CCDC88A: variants seen among roughly 807,000 people sequenced by gnomAD.
CCDC88A encodes coiled-coil and HOOK domain protein 88A.
A neutral mutation model predicts 234.3 loss-of-function variants in CCDC88A; 54 were observed. The observed-to-expected ratio is 0.23, with a 90% CI of 0.19 to 0.29. The LOEUF is 0.29. Ranked by LOEUF, CCDC88A falls within the 10% of genes least tolerant of loss-of-function variation. The probability of loss-of-function intolerance (pLI) is 1.00; values close to 1 mark genes in which losing one functional copy is unlikely to be tolerated. For synonymous variants in CCDC88A, 753 were observed against 737.8 expected, an observed-to-expected ratio of 1.02 and a Z score of -0.33; for missense variants, 1,832 against 2,123.4, an observed-to-expected ratio of 0.86 and a Z score of 2.70.
At chr2:55,380,445 A>G (rs1166066786) in intron 3 of CCDC88A, among the ~76,000 whole-genome samples, 1 of 59,842 alleles carries the variant, frequency 1.7e-5, no homozygotes, top group Non-Finnish European at 4.0e-5. Context: ...TTGGAGAACT[A>G]CAATCATTAA....
At chr2:55,312,811 TATATA>T (rs79872332) in intron 22 of CCDC88A, 154,208 of 302,330 alleles carry the variant, frequency 0.51, 42,513 homozygotes, top group Admixed American at 0.63. Context: ...CTGGGTCTAA[TATATA>T]ATATATTATC....
At chr2:55,384,579 G>A (rs1343392194) in intron 3 of CCDC88A, among the ~76,000 whole-genome samples, 5 of 84,640 alleles carry the variant, frequency 5.9e-5, no homozygotes, top group African/African-American at 1.5e-4. Flanking sequence ...ACGTATATAT[G>A]TGTATATATA....
chr2:55,362,063 A>T, intron 7 of CCDC88A: 1 of 305,440 alleles, frequency 3.3e-6, no homozygotes, highest in Non-Finnish European at 6.0e-6. Flanking sequence ...TGAAAAACAC[A>T]CAGGAAGAAA....
At chr2:55,362,209 G>T in intron 7 of CCDC88A, 99 bp downstream of exon 7, 1 of 929,726 alleles carries the variant, frequency 1.1e-6, no homozygotes, top group Non-Finnish European at 1.6e-6. Context: ...TGTATCACCT[G>T]TCTCTAAGAA....
Position 55,332,782 on chromosome 2 carries a change from A to T in CCDC88A, c.2728-89T>A. On this transcript the variant is annotated intron_variant, in intron 15 of 32. Transcript: ENST00000436346. This position sits in a 1 kb window ranked among gnomAD's most constrained non-coding sequence, Gnocchi z 4.5. ...GCTAAGATTCTAATTACCACCATCT[A>T]GGAATACATGTAATTTGAACCAGGA... is the stretch of plus-strand genomic sequence containing the variant. The T allele has an allele frequency of 9.1e-7, 1 of 1,094,600 alleles. No individual in the cohort carries two copies. The highest frequency in any genetic ancestry group is 1.3e-6 in the Non-Finnish European group (1 of 741,576). The allele number at this position is 1,094,600 out of a possible 1,614,324, so 67.8% of individuals were successfully genotyped here.
At chr2:55,295,539 A>G (rs1213438046) in intron 31 of CCDC88A, 58 bp downstream of exon 31, 7 of 1,613,796 alleles carry the variant, frequency 4.3e-6, no homozygotes, top group African/African-American at 1.3e-5. Flanking sequence ...ACAAGAACCT[A>G]TAGTATGTGT....
At chr2:55,342,008 G>T (rs2589075) in intron 12 of CCDC88A, among the ~76,000 whole-genome samples, 58,749 of 151,872 alleles carry the variant, frequency 0.39, 12,136 homozygotes, top group East Asian at 0.85. Context: ...TTCCAGAATG[G>T]CTGAACCAGT....
intron 3 of CCDC88A, among the ~76,000 whole-genome samples, chr2:55,381,272 A>G (rs1169643525): frequency 6.6e-6 from 1 of 152,174 alleles, no homozygotes; most frequent in African/African-American, 2.4e-5. Context: ...CAGAACATAT[A>G]TTTGTTGTTA....
chr2:55,414,228 G>A (rs567063159), intron 2 of CCDC88A, among the ~76,000 whole-genome samples: 31 of 152,074 alleles, frequency 2.0e-4, no homozygotes, highest in Non-Finnish European at 4.1e-4. Flanking sequence ...AATATGAATT[G>A]GACGTTTTTA....
chr2:55,295,213 G>C, intron 31 of CCDC88A: 3 of 1,321,470 alleles, frequency 2.3e-6, no homozygotes, highest in Non-Finnish European at 3.0e-6. Context: ...GGGTTCTGAT[G>C]ATCAGAAAAC....
chr2:55,401,931 T>C (rs1222025508), intron 2 of CCDC88A, among the ~76,000 whole-genome samples: 1 of 152,154 alleles, frequency 6.6e-6, no homozygotes, highest in Non-Finnish European at 1.5e-5. Flanking sequence ...ATAATTAAAA[T>C]CCAGTACTAT....
At chr2:55,306,446 C>T (rs755940295) in intron 25 of CCDC88A, among the ~76,000 whole-genome samples, 5 of 151,922 alleles carry the variant, frequency 3.3e-5, no homozygotes, top group African/African-American at 4.8e-5. Context: ...CACACACACA[C>T]GTACATATAC....
intron 2 of CCDC88A, among the ~76,000 whole-genome samples, chr2:55,410,023 G>A (rs991138301): frequency 3.3e-5 from 5 of 152,106 alleles, no homozygotes; most frequent in Admixed American, 3.3e-4. Flanking sequence ...TTACAGGTGT[G>A]AGCCCCCAAG....
intron 8 of CCDC88A, among the ~76,000 whole-genome samples, chr2:55,353,998 T>C (rs1670232906): frequency 6.6e-6 from 1 of 152,182 alleles, no homozygotes; most frequent in Admixed American, 6.5e-5. Flanking sequence ...TGGTATAGCC[T>C]ATTGCTTCTC....
intron 31 of CCDC88A, among the ~76,000 whole-genome samples, chr2:55,293,261 A>T (rs902703671): frequency 3.3e-4 from 51 of 152,344 alleles, no homozygotes; most frequent in Non-Finnish European, 1.8e-4. Flanking sequence ...CACTAATTAT[A>T]ACATTTGTGT....
intron 2 of CCDC88A, among the ~76,000 whole-genome samples, chr2:55,411,527 A>G (rs188853112): frequency 3.0e-3 from 458 of 151,894 alleles, no homozygotes; most frequent in African/African-American, 0.011. Context: ...TAATCCCAGC[A>G]TGAGATTTTG....
At chr2:55,404,497 T>C (rs1425412347) in intron 2 of CCDC88A, 1 of 151,990 alleles carries the variant, frequency 6.6e-6, no homozygotes, top group Non-Finnish European at 1.5e-5. Context: ...AAATAATAGA[T>C]ACCTATTACA....
Position 55,328,375 on chromosome 2 carries a change from T to C in CCDC88A, c.2916A>G (p.Lys972=). 6.3e-7 allele frequency: 1 copy of C among 1,599,624 alleles called. No individual in the cohort carries two copies. Among genetic ancestry groups the C allele is most frequent in the South Asian group, 1.1e-5 (1 of 87,928 alleles). The part of the protein sequence containing the change: ...ESTLKKSLEI[K]EEKIAALEAR... ...CTTCTAAAGCAGCAATTTTTTCTTCTTTTATTTCAAGAGACTTCTTAAGAG... is the reference window on the plus strand; with the variant it reads ...CTTCTAAAGCAGCAATTTTTTCTTCCTTTATTTCAAGAGACTTCTTAAGAG... Residue 972 remains lysine (K), a synonymous_variant, in exon 17 of 33, where the codon AAA becomes AAG. Transcript: ENST00000436346. This position sits in a 1 kb window ranked among gnomAD's most constrained non-coding sequence, Gnocchi z 4.3.
rs1475032524 is a variant in CCDC88A, at chr2:55,290,536, C to A, written c.*664G>T. ...GGGAAATATGGAAAGATTAATATCA[C>A]TATAAATTTTTTATAACTCCTATTT... On this transcript the variant is annotated 3_prime_UTR_variant, in exon 33 of 33. Transcript: ENST00000436346. 6.6e-6 allele frequency: 1 copy of A among 152,034 alleles called. No individual in the cohort carries two copies. Among genetic ancestry groups the A allele is most frequent in the Non-Finnish European group, 1.5e-5 (1 of 67,942 alleles). 9.4% of individuals were successfully genotyped at this position (152,034 alleles called of 1,614,324 possible).
Sources: gnomAD v4.1 joint callset for allele counts (sites outside exome capture counted in the v4.1 genomes callset) on GRCh38, gnomAD v4.1.1 for gene constraint, Gnocchi (gnomAD v3.1) non-coding constraint, MANE v1.5 for transcripts, NCBI Gene and HGNC (gene_info 2026-07-23, HGNC 2026-07-21) for gene names.